Variants in PKP1 observed in about 807,000 individuals in gnomAD.
PKP1 encodes plakophilin 1.
In PKP1, 27 loss-of-function variants were observed where a neutral mutation model predicts 76.4. The ratio of observed to expected loss-of-function variants is 0.35; its 90% CI spans 0.26 to 0.49. The LOEUF (loss-of-function observed/expected upper bound fraction) is 0.49, where lower values mean the gene tolerates loss of function less well. Ranked by LOEUF, PKP1 falls within the 20% of genes least tolerant of loss-of-function variation. The probability of loss-of-function intolerance (pLI) is 0.99; values close to 1 mark genes in which losing one functional copy is unlikely to be tolerated. For missense variants in PKP1, 964 were observed against 955.2 expected (o/e 1.01, Z -0.12); for synonymous variants, 404 against 384.2 (o/e 1.05, Z -0.60).
intron 11 of PKP1, 25 bp from the exon 12 acceptor site, chr1:201,325,727 TCA>T: frequency 6.3e-7 from 1 of 1,578,490 alleles, no homozygotes; most frequent in Non-Finnish European, 8.7e-7. Context: ...GAATCTCATC[TCA>T]CAAATGCACT....
At position 201,325,777 on chromosome 1, in the gene PKP1, C is replaced by G; in HGVS notation, c.2045C>G (p.Ala682Gly). 6.2e-7 allele frequency: 1 copy of G among 1,614,078 alleles called. No homozygotes were observed. Among genetic ancestry groups the G allele is most frequent in the Non-Finnish European group, 8.5e-7 (1 of 1,179,944 alleles). The change falls in exon 12 of 14, where the codon GCT (alanine) becomes GGT (glycine). Residue 682 changes from alanine to glycine, a missense_variant. By Grantham distance (60) the Ala-to-Gly change is moderately conservative (BLOSUM62 0). Transcript: ENST00000367324. The stretch of plus-strand genomic sequence containing the variant: ...AGTGCCTCACCCAAGGCCGCAGAAG[C>G]TGCCCGGCTTCTCCTGTCTGACATG... ...RSSASPKAAE[A>G]ARLLLSDMWS...
At chr1:201,294,359 C>T (rs188818208) in intron 2 of PKP1, among the ~76,000 whole-genome samples, 2 of 152,324 alleles carry the variant, frequency 1.3e-5, no homozygotes, top group East Asian at 3.9e-4. Flanking sequence ...TGTTTGCATT[C>T]TTGAGGTCTA....
intron 2 of PKP1, among the ~76,000 whole-genome samples, chr1:201,304,433 G>A (rs1335713476): frequency 6.6e-6 from 1 of 152,180 alleles, no homozygotes; most frequent in Non-Finnish European, 1.5e-5. Flanking sequence ...CATGGTCCTG[G>A]CCAGGACAGA....
Position 201,284,303 on chromosome 1 carries a change from C to T in PKP1, c.202+399C>T, listed in dbSNP as rs76916530. Reference sequence around the variant, plus strand: ...ATCTGCCCTGCATCCTGTCTGGCCCCGGCTGTCCTGGGGCCCATGGTCCCC... The same window carrying T: ...ATCTGCCCTGCATCCTGTCTGGCCCTGGCTGTCCTGGGGCCCATGGTCCCC... On this transcript the variant is annotated intron_variant, in intron 1 of 13. Coordinates refer to ENST00000367324, the MANE Select transcript of PKP1 (RefSeq NM_001005337.3). Among the ~76,000 whole-genome samples the T allele has an allele frequency of 2.1e-3, 317 of 152,332 alleles. 3 individuals are homozygous for T. The East Asian group carries it at 0.027, about 13-fold the overall frequency.
Position 201,325,738 on chromosome 1 carries a change from C to A in PKP1, c.2022-16C>A. On this transcript the variant is annotated splice_polypyrimidine_tract_variant and intron_variant, in intron 11 of 13. Coordinates refer to ENST00000367324, the MANE Select transcript of PKP1 (RefSeq NM_001005337.3). Reference sequence around the variant, plus strand: ...CCTGGAATCTCATCTCACAAATGCACTTCTCACCTGCCCAGTGCCTCACCC... The same window carrying A: ...CCTGGAATCTCATCTCACAAATGCAATTCTCACCTGCCCAGTGCCTCACCC... 6.2e-7 allele frequency: 1 copy of A among 1,604,644 alleles called. No homozygotes were observed. Among genetic ancestry groups the A allele is most frequent in the Non-Finnish European group, 8.5e-7 (1 of 1,171,412 alleles).
intron 1 of PKP1, among the ~76,000 whole-genome samples, chr1:201,284,480 G>A (rs529749914): frequency 1.3e-5 from 2 of 152,314 alleles, no homozygotes; most frequent in East Asian, 1.9e-4. Flanking sequence ...TGAGGGAGTC[G>A]CTGAGACAGG....
At chr1:201,323,588 G>A (rs1657014024) in intron 9 of PKP1, among the ~76,000 whole-genome samples, 1 of 152,208 alleles carries the variant, frequency 6.6e-6, no homozygotes, top group African/African-American at 2.4e-5. Flanking sequence ...CAGGTCCAGA[G>A]AAGATGTGAC....
intron 2 of PKP1, among the ~76,000 whole-genome samples, chr1:201,310,377 G>A (rs1656511019): frequency 6.6e-6 from 1 of 152,236 alleles, no homozygotes; most frequent in African/African-American, 2.4e-5. Flanking sequence ...CACCCATTGG[G>A]CAACGACAAG....
At chr1:201,311,096 C>T (rs1019210434) in intron 2 of PKP1, among the ~76,000 whole-genome samples, 2 of 152,344 alleles carry the variant, frequency 1.3e-5, no homozygotes, top group Admixed American at 6.5e-5. Flanking sequence ...CAAGGGTGCT[C>T]CTTGTTGCAT....
chr1:201,325,603 C>T lies in PKP1; in HGVS notation c.2022-151C>T, dbSNP rs186724994. ...GGTAGGGTGACCAGGCTCACCACACCCCAATGGGGCTCCTCTCTTTTGCAC... is the reference window on the plus strand; with the variant it reads ...GGTAGGGTGACCAGGCTCACCACACTCCAATGGGGCTCCTCTCTTTTGCAC... On this transcript the variant is annotated intron_variant, in intron 11 of 13. Transcript: ENST00000367324. 230 of 697,112 alleles carry T rather than the reference C, an allele frequency of 3.3e-4. 2 individuals are homozygous for T. The Admixed American group carries it at 4.6e-3, about 14-fold the overall frequency. The allele number at this position is 697,112 out of a possible 1,614,324, so 43.2% of individuals were successfully genotyped here.
chr1:201,322,993 G>T lies in PKP1; in HGVS notation c.1504-20G>T. On this transcript the variant is annotated intron_variant, in intron 8 of 13. Transcript: ENST00000367324. ...CACAAGGCTCCCCATTGACCCCCCTGACCGGCTCTTTATCCTCAGAACAAC... is the reference window on the plus strand; with the variant it reads ...CACAAGGCTCCCCATTGACCCCCCTTACCGGCTCTTTATCCTCAGAACAAC... 1 of 1,613,380 alleles carries T rather than the reference G, an allele frequency of 6.2e-7. No individual in the cohort carries two copies. Among genetic ancestry groups the T allele is most frequent in the South Asian group, 1.1e-5 (1 of 91,006 alleles).
At chr1:201,296,176 G>A (rs761527249) in intron 2 of PKP1, among the ~76,000 whole-genome samples, 2 of 152,210 alleles carry the variant, frequency 1.3e-5, no homozygotes, top group Non-Finnish European at 2.9e-5. Context: ...GGGAAGAACT[G>A]AGCACACATG....
At position 201,323,117 on chromosome 1, in the gene PKP1, C is replaced by A. The variant is rs1657000469; in HGVS notation, c.1608C>A (p.Gly536=). ...TCCGCACCTACCTGAACCTCATGGG[C>A]AAGAGCAAGAAAGATGCTACCCTGG... ...DAIRTYLNLM[G]KSKKDATLEA... The change falls in exon 9 of 14, where the codon GGC becomes GGA. Residue 536 remains glycine, a synonymous_variant. Transcript: ENST00000367324. The A allele has an allele frequency of 6.2e-7, 1 of 1,614,034 alleles. No individual in the cohort carries two copies. Among genetic ancestry groups the A allele is most frequent in the South Asian group, 1.1e-5 (1 of 91,086 alleles).
chr1:201,289,117 C>T (rs1294690100), intron 1 of PKP1, among the ~76,000 whole-genome samples: 4 of 152,186 alleles, frequency 2.6e-5, no homozygotes, highest in African/African-American at 9.7e-5. Context: ...GGAGGCTGGC[C>T]AGCCCAGTCC....
At chr1:201,298,079 A>AT (rs1164167664) in intron 2 of PKP1, among the ~76,000 whole-genome samples, 2 of 152,210 alleles carry the variant, frequency 1.3e-5, no homozygotes, top group East Asian at 3.8e-4. Context: ...CATTCCTGTG[A>AT]TAAAAACAAC....
At chr1:201,310,353 T>C (rs1656510251) in intron 2 of PKP1, among the ~76,000 whole-genome samples, 1 of 152,226 alleles carries the variant, frequency 6.6e-6, no homozygotes, top group Non-Finnish European at 1.5e-5. Flanking sequence ...TGGGCTTAAG[T>C]AATTGCCCAA....
chr1:201,315,974 G>A (rs890048395), intron 3 of PKP1, among the ~76,000 whole-genome samples: 11 of 152,150 alleles, frequency 7.2e-5, no homozygotes, highest in East Asian at 3.8e-4. Flanking sequence ...CTATAAGAAT[G>A]GGAAGAAAGG....
intron 9 of PKP1, among the ~76,000 whole-genome samples, chr1:201,324,172 A>G (rs1657033617): frequency 6.6e-6 from 1 of 152,144 alleles, no homozygotes; most frequent in African/African-American, 2.4e-5. Flanking sequence ...CTGGGTCACT[A>G]TGAGTAGGGG....
At chr1:201,326,331 T>C (rs1437559246) in intron 12 of PKP1, among the ~76,000 whole-genome samples, 1 of 152,138 alleles carries the variant, frequency 6.6e-6, no homozygotes, top group Non-Finnish European at 1.5e-5. Flanking sequence ...CAAGGCAGAG[T>C]GGGCTGAGAA....
Sources: gnomAD v4.1 joint callset for allele counts (sites outside exome capture counted in the v4.1 genomes callset) on GRCh38, gnomAD v4.1.1 for gene constraint, MANE v1.5 for transcripts, NCBI Gene and HGNC (gene_info 2026-07-23, HGNC 2026-07-21) for gene names.